The following ADGRL1 variants were observed in gnomAD, a reference collection of about 807,000 sequenced individuals.
ADGRL1 encodes the protein CIRL-1.
Under a neutral mutation model 148.9 loss-of-function variants are expected in ADGRL1, and 31 were observed. The observed-to-expected ratio is 0.21, with a 90% CI of 0.16 to 0.28. The LOEUF (loss-of-function observed/expected upper bound fraction) is 0.28. ADGRL1 is among the 10% of genes least tolerant of loss of function. ADGRL1 has a pLI of 1.00. For synonymous variants in ADGRL1, 937 were observed against 900.3 expected, an observed-to-expected ratio of 1.04 and a Z score of -0.73; for missense variants, 1,521 against 2,058.8, an observed-to-expected ratio of 0.74 and a Z score of 5.05.
At chr19:14,156,562 T>C (rs1968772445) in intron 16 of ADGRL1, 96 bp downstream of exon 16, 1 of 527,820 alleles carries the variant, frequency 1.9e-6, no homozygotes, top group Non-Finnish European at 2.9e-6. Flanking sequence ...AGTGTGTGTG[T>C]GTGTGGGGGG....
chr19:14,161,536 A>G lies in ADGRL1; in HGVS notation c.1286T>C (p.Leu429Pro), dbSNP rs1969376171. The change falls in exon 6 of 23, where the codon CTC becomes CCC. Residue 429 changes from leucine (L) to proline (P), a missense_variant. Physicochemically the swap from Leu to Pro is moderately conservative, Grantham distance 98. This residue lies in a region of ADGRL1 where 270 missense variants were observed against 320.4 expected (regional missense o/e 0.84). Coordinates refer to ENST00000361434, the MANE Select transcript of ADGRL1 (RefSeq NM_014921.5). This position sits in a 1 kb window ranked among gnomAD's most constrained non-coding sequence, Gnocchi z 4.4. ...GTGCGTGGTGAGGGGTGCCCGGCGG[A>G]GCGGGGTGGTGGCTGCGGGCGAGGC... ...STASPAATTP[L>P]RRAPLTTHPV... The G allele has an allele frequency of 1.4e-6, 2 of 1,429,896 alleles. No homozygotes were observed. The highest frequency in any genetic ancestry group is 1.8e-6 in the Non-Finnish European group (2 of 1,089,702). The allele number at this position is 1,429,896 out of a possible 1,614,324, so 88.6% of individuals were successfully genotyped here. A position where few individuals can be genotyped will look rare whatever the true frequency, so the allele number is the denominator to read the frequency against.
intron 2 of ADGRL1, among the ~76,000 whole-genome samples, chr19:14,178,082 T>G (rs1172165493): frequency 6.6e-6 from 1 of 152,164 alleles, no homozygotes; most frequent in Admixed American, 6.5e-5. Flanking sequence ...TGAAAATTCA[T>G]ATGCTGAAGT....
At chr19:14,201,571 C>T (rs925253470) in intron 1 of ADGRL1, among the ~76,000 whole-genome samples, 1 of 151,906 alleles carries the variant, frequency 6.6e-6, no homozygotes, top group African/African-American at 2.4e-5. Flanking sequence ...TACATATTCA[C>T]GATGCCCAAC....
In ADGRL1 at chr19:14,191,506, A is replaced by G. The variant is rs1279110682; in HGVS notation, c.-95-7809T>C. ...CTCTATTAGCTCGGGCTGCCATAAC[A>G]AAGTGCCATAGACTGCGCGGCTTAC... On this transcript the variant is annotated intron_variant, in intron 1 of 22. Transcript: ENST00000361434. 8 of 455,814 alleles carry G rather than the reference A, an allele frequency of 1.8e-5. No homozygotes were observed. In the East Asian group the frequency reaches 2.1e-4, roughly 12 times the overall value. 28.2% of individuals were successfully genotyped at this position (455,814 alleles called of 1,614,324 possible).
At chr19:14,153,640 C>G (rs1187363832) in intron 18 of ADGRL1, among the ~76,000 whole-genome samples, 5 of 138,098 alleles carry the variant, frequency 3.6e-5, no homozygotes, top group African/African-American at 1.4e-4. Flanking sequence ...GTTGGCCAGA[C>G]TGGTTGTGAT....
rs146893146 is a variant in ADGRL1 at position 14,191,565 on chromosome 19, G to T, written c.-95-7868C>A. The T allele has an allele frequency of 1.0e-3, 423 of 410,918 alleles. 3 individuals are homozygous for T. The highest frequency in any genetic ancestry group is 8.1e-3 in the African/African-American group (397 of 49,152). 25.5% of individuals were successfully genotyped at this position (410,918 alleles called of 1,614,324 possible). A position where few individuals can be genotyped will look rare whatever the true frequency, so the allele number is the denominator to read the frequency against. Reference sequence around the variant, plus strand: ...AATTTACTTCCTCCTAGTTCTGGAGGCCAGAAGGCCAAGATCAAGGTGCCA... The same window carrying T: ...AATTTACTTCCTCCTAGTTCTGGAGTCCAGAAGGCCAAGATCAAGGTGCCA... On this transcript the variant is annotated intron_variant, in intron 1 of 22. Transcript: ENST00000361434.
At position 14,155,722 on chromosome 19, in the gene ADGRL1, G is replaced by A; in HGVS notation, c.3126-195C>T. 3 of 599,874 alleles carry A rather than the reference G, an allele frequency of 5.0e-6. No homozygotes were observed. Among genetic ancestry groups the A allele is most frequent in the African/African-American group, 1.9e-5 (1 of 53,958 alleles). 37.2% of individuals were successfully genotyped at this position (599,874 alleles called of 1,614,324 possible). A position where few individuals can be genotyped will look rare whatever the true frequency, so the allele number is the denominator to read the frequency against. Reference sequence around the variant, plus strand: ...CACCGGAGCCTGGGCCTGAGGGAAAGGTACTGGGTCAGGGGTCGGGGTATT... The same window carrying A: ...CACCGGAGCCTGGGCCTGAGGGAAAAGTACTGGGTCAGGGGTCGGGGTATT... On this transcript the variant is annotated intron_variant, in intron 17 of 22. Coordinates refer to ENST00000361434, the MANE Select transcript of ADGRL1 (RefSeq NM_014921.5). The surrounding 1 kb of genome is among the most constrained non-coding windows in gnomAD (Gnocchi z 5.0).
chr19:14,169,006 G>C (rs913712556), intron 4 of ADGRL1: 4 of 152,260 alleles, frequency 2.6e-5, no homozygotes, highest in Non-Finnish European at 5.9e-5. Flanking sequence ...ACACAAGCTT[G>C]ACATGCGTTG....
chr19:14,185,938 T>C (rs1473818564), intron 1 of ADGRL1, among the ~76,000 whole-genome samples: 1 of 152,272 alleles, frequency 6.6e-6, no homozygotes, highest in Non-Finnish European at 1.5e-5. Context: ...ACTGTCCACA[T>C]GGCTGGCTCC....
chr19:14,195,544 C>T (rs920222421), intron 1 of ADGRL1, among the ~76,000 whole-genome samples: 7 of 152,094 alleles, frequency 4.6e-5, no homozygotes, highest in African/African-American at 1.4e-4. Context: ...TGGCAGCAGC[C>T]GGCCCCTCCA....
intron 1 of ADGRL1, among the ~76,000 whole-genome samples, chr19:14,194,775 AC>A (rs1211736488): frequency 1.3e-5 from 2 of 150,974 alleles, no homozygotes; most frequent in African/African-American, 2.4e-5. Context: ...GACGTTCTAC[AC>A]CTGGGAAGCC....
intron 2 of ADGRL1, among the ~76,000 whole-genome samples, chr19:14,178,681 T>C (rs1023269837): frequency 3.3e-5 from 5 of 152,134 alleles, no homozygotes; most frequent in Non-Finnish European, 5.9e-5. Flanking sequence ...CATGTCCGGC[T>C]AATTTTTTAC....
At chr19:14,202,630 C>A (rs1454736028) in intron 1 of ADGRL1, among the ~76,000 whole-genome samples, 2 of 152,132 alleles carry the variant, frequency 1.3e-5, no homozygotes, top group Admixed American at 6.5e-5. Flanking sequence ...GGCCACCACC[C>A]CCCATGGCGC....
At chr19:14,202,233 G>A (rs570522373) in intron 1 of ADGRL1, among the ~76,000 whole-genome samples, 32 of 150,156 alleles carry the variant, frequency 2.1e-4, no homozygotes, top group Admixed American at 1.3e-3. Flanking sequence ...CATGACAGGA[G>A]AGTTTTGCTT....
intron 1 of ADGRL1, among the ~76,000 whole-genome samples, chr19:14,200,407 C>T (rs904281630): frequency 1.3e-5 from 2 of 152,194 alleles, no homozygotes; most frequent in African/African-American, 4.8e-5. Context: ...AGGGGGCGTT[C>T]TGGGGCAGGG....
chr19:14,198,469 C>T (rs993832863), intron 1 of ADGRL1, among the ~76,000 whole-genome samples: 2 of 152,106 alleles, frequency 1.3e-5, no homozygotes, highest in Non-Finnish European at 2.9e-5. Context: ...TTGCTGGTTG[C>T]CTCCTGGCCT....
intron 1 of ADGRL1, among the ~76,000 whole-genome samples, chr19:14,196,147 C>T (rs979241224): frequency 5.9e-5 from 9 of 152,238 alleles, no homozygotes; most frequent in African/African-American, 2.2e-4. Context: ...CTGTCCCATC[C>T]AATCTCTACC....
At chr19:14,167,279 C>T (rs918095054) in intron 4 of ADGRL1, among the ~76,000 whole-genome samples, 30 of 151,476 alleles carry the variant, frequency 2.0e-4, no homozygotes, top group African/African-American at 7.3e-4. Context: ...GTCAGAGGGA[C>T]GAGGGGGACA....
rs370214109 is a variant in ADGRL1 at position 14,152,821 on chromosome 19, G to C, written c.3386C>G (p.Ala1129Gly). ...GGTHGSLKTS[A>G]MRSNTRYYTG... is the part of the protein sequence containing the mutation. ...GTAGTAGCGGGTGTTGCTTCGCATG[G>C]CTGAGGTCTTGAGGGATCCGTGAGT... is the stretch of plus-strand genomic sequence containing the variant. The change falls in exon 19 of 23, where the codon GCC becomes GGC. Residue 1129 changes from alanine (A) to glycine (G), a missense_variant. Coordinates refer to ENST00000361434, the MANE Select transcript of ADGRL1 (RefSeq NM_014921.5). The surrounding 1 kb of genome is among the most constrained non-coding windows in gnomAD (Gnocchi z 6.1). The C allele has an allele frequency of 1.5e-5, 25 of 1,614,112 alleles. No homozygotes were observed. The African/African-American group carries it at 3.1e-4, about 20-fold the overall frequency.
Sources: allele counts gnomAD v4.1 joint callset (sites outside exome capture counted in the v4.1 genomes callset), GRCh38; gene constraint gnomAD v4.1.1; regional missense constraint gnomAD v4.1.1; non-coding constraint Gnocchi (gnomAD v3.1); transcripts MANE v1.5; gene names NCBI Gene and HGNC (gene_info 2026-07-23, HGNC 2026-07-21).